The following LHFPL3 variants were observed in gnomAD, a reference collection of about 807,000 sequenced individuals.
LHFPL3 encodes the protein LHFPL tetraspan subfamily member 3.
A neutral mutation model predicts 19.3 loss-of-function variants in LHFPL3; 5 were observed. The ratio of observed to expected loss-of-function variants is 0.26; its 90% confidence interval spans 0.14 to 0.54. LHFPL3 has a LOEUF of 0.54. LHFPL3 is among the 20% of genes least tolerant of loss of function. The pLI, the probability that LHFPL3 is intolerant of heterozygous loss-of-function variation, is 0.94. For missense variants in LHFPL3, 249 were observed against 307.4 expected (o/e 0.81, Z 1.42); for synonymous variants, 133 against 126.2 (o/e 1.05, Z -0.36).
chr7:104,388,647 A>G (rs967997047), intron 1 of LHFPL3, among the ~76,000 whole-genome samples: 5 of 152,304 alleles, frequency 3.3e-5, no homozygotes, highest in African/African-American at 7.2e-5. Flanking sequence ...AGAAAATGCT[A>G]GCAACCTGAA....
At chr7:104,430,736 G>A (rs2116559305) in intron 1 of LHFPL3, among the ~76,000 whole-genome samples, 1 of 151,462 alleles carries the variant, frequency 6.6e-6, no homozygotes, top group South Asian at 2.1e-4. Context: ...CCAAAGTGCT[G>A]AGATTACAGG....
intron 2 of LHFPL3, among the ~76,000 whole-genome samples, chr7:104,857,118 G>A (rs546009963): frequency 3.9e-5 from 6 of 152,236 alleles, no homozygotes; most frequent in South Asian, 2.1e-4. Context: ...TTTCATAGAC[G>A]TTCATTGTAC....
chr7:104,454,512 T>G (rs1278260601), intron 1 of LHFPL3, among the ~76,000 whole-genome samples: 1 of 152,148 alleles, frequency 6.6e-6, no homozygotes, highest in Non-Finnish European at 1.5e-5. Context: ...AGAGGTAATA[T>G]GTGTAATATT....
At chr7:104,369,372 C>T (rs953602399) in intron 1 of LHFPL3, among the ~76,000 whole-genome samples, 3 of 152,226 alleles carry the variant, frequency 2.0e-5, no homozygotes, top group Admixed American at 2.0e-4. Context: ...TGCTTTTAAG[C>T]ACCGTACATG....
intron 2 of LHFPL3, among the ~76,000 whole-genome samples, chr7:104,764,762 T>C (rs928286362): frequency 2.6e-5 from 4 of 152,242 alleles, no homozygotes; most frequent in African/African-American, 9.6e-5. Flanking sequence ...ACTGTGTTGT[T>C]AGTATTTATA....
At chr7:104,673,348 C>T (rs1432527858) in intron 1 of LHFPL3, among the ~76,000 whole-genome samples, 1 of 152,170 alleles carries the variant, frequency 6.6e-6, no homozygotes, top group Non-Finnish European at 1.5e-5. Context: ...AAATAGTTCG[C>T]TTTTATCTAT....
At chr7:104,398,137 C>A (rs1243593854) in intron 1 of LHFPL3, among the ~76,000 whole-genome samples, 2 of 150,968 alleles carry the variant, frequency 1.3e-5, no homozygotes, top group African/African-American at 4.9e-5. Flanking sequence ...TACGTAAAAT[C>A]TTCCTCTGAA....
intron 1 of LHFPL3, among the ~76,000 whole-genome samples, chr7:104,567,735 A>T (rs530381846): frequency 1.0e-3 from 153 of 152,282 alleles, no homozygotes; most frequent in Admixed American, 3.6e-3. Context: ...GATGTACCCA[A>T]GGACTTAGTT....
intron 1 of LHFPL3, among the ~76,000 whole-genome samples, chr7:104,530,391 C>A (rs1419594848): frequency 6.6e-6 from 1 of 152,140 alleles, no homozygotes; most frequent in Non-Finnish European, 1.5e-5. Context: ...TTCTCCCCAG[C>A]AGTTATATTT....
chr7:104,499,441 A>G (rs893777100), intron 1 of LHFPL3, among the ~76,000 whole-genome samples: 5 of 152,228 alleles, frequency 3.3e-5, no homozygotes, highest in East Asian at 1.9e-4. Context: ...TAAGGTTGCA[A>G]TGAAGCATGA....
At chr7:104,378,504 C>G (rs1790760062) in intron 1 of LHFPL3, among the ~76,000 whole-genome samples, 1 of 152,104 alleles carries the variant, frequency 6.6e-6, no homozygotes, top group Non-Finnish European at 1.5e-5. Context: ...GCTGTGAGTA[C>G]TCATGTACAG....
At chr7:104,669,633 C>G in intron 1 of LHFPL3, 2 of 1,384,624 alleles carry the variant, frequency 1.4e-6, no homozygotes, top group Non-Finnish European at 2.0e-6. Context: ...CATTCGAGAG[C>G]AAATCAAAAC....
At chr7:104,886,627 A>T (rs1218695931) in intron 2 of LHFPL3, among the ~76,000 whole-genome samples, 1 of 152,198 alleles carries the variant, frequency 6.6e-6, no homozygotes, top group Non-Finnish European at 1.5e-5. Context: ...GGCCTCCCAA[A>T]GTGCTGGGAT....
At chr7:104,396,810 C>A (rs533355706) in intron 1 of LHFPL3, among the ~76,000 whole-genome samples, 7 of 151,886 alleles carry the variant, frequency 4.6e-5, no homozygotes, top group Non-Finnish European at 8.8e-5. Context: ...CACACACACA[C>A]ACACACAAAA....
At chr7:104,463,030 G>T (rs1186562112) in intron 1 of LHFPL3, among the ~76,000 whole-genome samples, 1 of 152,150 alleles carries the variant, frequency 6.6e-6, no homozygotes, top group Non-Finnish European at 1.5e-5. Context: ...ATGCATAGAG[G>T]TATCCATAGT....
intron 1 of LHFPL3, among the ~76,000 whole-genome samples, chr7:104,359,434 A>C (rs1425056014): frequency 6.6e-6 from 1 of 152,242 alleles, no homozygotes; most frequent in East Asian, 1.9e-4. Context: ...GACATATTTC[A>C]GATAAAATTA....
intron 2 of LHFPL3, among the ~76,000 whole-genome samples, chr7:104,883,252 C>T (rs955844256): frequency 6.2e-5 from 9 of 145,514 alleles, no homozygotes; most frequent in African/African-American, 2.6e-4. Flanking sequence ...CTTTTCATAA[C>T]ATTCTAACGT....
chr7:104,586,548 A>G (rs1790582515), intron 1 of LHFPL3, among the ~76,000 whole-genome samples: 1 of 152,094 alleles, frequency 6.6e-6, no homozygotes, highest in African/African-American at 2.4e-5. Flanking sequence ...ATTTTTTTCT[A>G]TTACCTCTCA....
At chr7:104,454,906 G>C (rs1056065717) in intron 1 of LHFPL3, among the ~76,000 whole-genome samples, 2 of 152,088 alleles carry the variant, frequency 1.3e-5, no homozygotes, top group African/African-American at 4.8e-5. Flanking sequence ...TAGAAATGCT[G>C]TTCTTTGTTA....
Sources: gnomAD v4.1 joint callset for allele counts (sites outside exome capture counted in the v4.1 genomes callset) on GRCh38, gnomAD v4.1.1 for gene constraint, MANE v1.5 for transcripts, NCBI Gene and HGNC (gene_info 2026-07-23, HGNC 2026-07-21) for gene names.